Variants in CFAP61 observed in about 807,000 individuals in gnomAD.
CFAP61 encodes the protein cilia- and flagella-associated protein 61.
In CFAP61, 107 loss-of-function variants were observed where a neutral mutation model predicts 135.6. That is an observed-to-expected ratio of 0.79 (90% CI 0.67 to 0.93). The LOEUF (loss-of-function observed/expected upper bound fraction) is 0.93, where lower values mean the gene tolerates loss of function less well. CFAP61 is among the 40% of genes least tolerant of loss of function. The pLI is 0.00. For synonymous variants in CFAP61, 575 were observed against 578.5 expected, an observed-to-expected ratio of 0.99 and a Z score of 0.09; for missense variants, 1,507 against 1,556.2, an observed-to-expected ratio of 0.97 and a Z score of 0.53.
At chr20:20,103,741 T>C (rs761324) in intron 8 of CFAP61, among the ~76,000 whole-genome samples, 120,716 of 152,138 alleles carry the variant, frequency 0.79, 48,249 homozygotes, top group East Asian at 0.99. Flanking sequence ...CCCTGCCTGG[T>C]GTTTGCAAAT....
chr20:20,187,718 T>C (rs1319550033), intron 13 of CFAP61, among the ~76,000 whole-genome samples: 1 of 152,224 alleles, frequency 6.6e-6, no homozygotes, highest in Non-Finnish European at 1.5e-5. Flanking sequence ...GCATTATCAG[T>C]GATATTTACC....
rs889818344 is a variant in CFAP61, at chr20:20,160,346, G to A, written c.1026+902G>A. ...CTGGGACAGATTCACTGAACACTAA[G>A]CCCAGACACTGAAGTTCTGCCAGAG... On this transcript the variant is annotated intron_variant, in intron 10 of 26. Transcript: ENST00000245957. Among the ~76,000 whole-genome samples the A allele has an allele frequency of 3.3e-5, 5 of 152,142 alleles. No homozygotes were observed. In the East Asian group the frequency reaches 7.7e-4, roughly 23 times the overall value.
intron 17 of CFAP61, among the ~76,000 whole-genome samples, chr20:20,211,792 TG>T (rs769562505): frequency 1.3e-5 from 2 of 152,230 alleles, no homozygotes; most frequent in Non-Finnish European, 2.9e-5. Context: ...GTGGTTTTTA[TG>T]GTAGTTTATG....
At chr20:20,126,349 GT>G (rs1208050580) in intron 8 of CFAP61, among the ~76,000 whole-genome samples, 3 of 151,838 alleles carry the variant, frequency 2.0e-5, no homozygotes, top group Non-Finnish European at 4.4e-5. Context: ...GTTTTGATGT[GT>G]TTCCAGTATT....
intron 16 of CFAP61, 116 bp downstream of exon 16, chr20:20,196,892 T>A: frequency 1.1e-6 from 1 of 895,858 alleles, no homozygotes; most frequent in Non-Finnish European, 1.8e-6. Flanking sequence ...AACATGGGTC[T>A]GAATTTCCAA....
intron 18 of CFAP61, among the ~76,000 whole-genome samples, chr20:20,229,689 T>A (rs905232886): frequency 1.3e-5 from 2 of 152,182 alleles, no homozygotes; most frequent in Non-Finnish European, 2.9e-5. Flanking sequence ...ATTAACCAGA[T>A]AAAAAAAGAA....
At position 20,169,480 on chromosome 20, in the gene CFAP61, G is replaced by A. The variant is rs370227282; in HGVS notation, c.1385+20G>A. The A allele has an allele frequency of 3.0e-5, 47 of 1,576,810 alleles. No homozygotes were observed. The highest frequency in any genetic ancestry group is 1.7e-4 in the Admixed American group (10 of 58,922). ...GCTCAAGTGAGTAGACACATGTTTG[G>A]CCACACAACAATCCATGAAATTACA... On this transcript the variant is annotated intron_variant, in intron 13 of 26. Coordinates refer to ENST00000245957, the MANE Select transcript of CFAP61 (RefSeq NM_015585.4).
chr20:20,323,328 C>T lies in CFAP61; in HGVS notation c.3423-18503C>T, dbSNP rs367871231. 1.2e-5 allele frequency: 12 copies of T among 984,378 alleles called. No homozygotes were observed. The African/African-American group carries it at 1.4e-4, about 11-fold the overall frequency. The allele number at this position is 984,378 out of a possible 1,614,324, so 61.0% of individuals were successfully genotyped here. A position where few individuals can be genotyped will look rare whatever the true frequency, so the allele number is the denominator to read the frequency against. ...GGCCTTCAAAAGAGAGTAAGAAATA[C>T]AGACAGTCCCCTACTTTCAAACACA... is the stretch of plus-strand genomic sequence containing the variant. On this transcript the variant is annotated intron_variant, in intron 25 of 26. Coordinates refer to ENST00000245957, the MANE Select transcript of CFAP61 (RefSeq NM_015585.4).
At chr20:20,098,864 T>C in intron 8 of CFAP61, 50 bp downstream of exon 8, 2 of 1,521,596 alleles carry the variant, frequency 1.3e-6, no homozygotes, top group South Asian at 1.2e-5. Flanking sequence ...CTATGCTTTA[T>C]ACACATTGCG....
intron 7 of CFAP61, among the ~76,000 whole-genome samples, chr20:20,091,512 TC>T (rs1568880537): frequency 1.3e-3 from 205 of 152,166 alleles, no homozygotes; most frequent in African/African-American, 4.7e-3. Context: ...GCTGGCTCTC[TC>T]TCTCTCTCTC....
intron 2 of CFAP61, among the ~76,000 whole-genome samples, chr20:20,064,198 C>T (rs1432379742): frequency 6.6e-6 from 1 of 152,170 alleles, no homozygotes; most frequent in Admixed American, 6.5e-5. Context: ...TAAGCATTTG[C>T]TATGCACTGT....
At chr20:20,189,969 G>C (rs1274517147) in intron 14 of CFAP61, among the ~76,000 whole-genome samples, 1 of 152,108 alleles carries the variant, frequency 6.6e-6, no homozygotes, top group East Asian at 1.9e-4. Flanking sequence ...ATTTTTAGTA[G>C]AGATGGGGTT....
chr20:20,348,606 C>G (rs1449775589), intron 26 of CFAP61, among the ~76,000 whole-genome samples: 1 of 141,588 alleles, frequency 7.1e-6, no homozygotes, highest in African/African-American at 2.6e-5. Flanking sequence ...AGGAGAATCT[C>G]ATGAACCCAG....
intron 19 of CFAP61, among the ~76,000 whole-genome samples, chr20:20,251,250 A>G (rs551038788): frequency 1.3e-5 from 2 of 152,258 alleles, no homozygotes; most frequent in East Asian, 1.9e-4. Flanking sequence ...TTTAACAGCT[A>G]AAGTAAATTT....
intron 25 of CFAP61, among the ~76,000 whole-genome samples, chr20:20,318,213 T>G (rs1466326334): frequency 2.0e-5 from 3 of 152,154 alleles, no homozygotes; most frequent in African/African-American, 7.2e-5. Context: ...CCCACTCTCT[T>G]TTTCCAATTA....
At chr20:20,311,782 C>T (rs1569281578) in intron 25 of CFAP61, among the ~76,000 whole-genome samples, 2 of 151,988 alleles carry the variant, frequency 1.3e-5, no homozygotes, top group African/African-American at 4.8e-5. Flanking sequence ...GGAAACTGCC[C>T]AAGACAGGGG....
In CFAP61 at chr20:20,092,420, G is replaced by A. The variant is rs573492973; in HGVS notation, c.699+1444G>A. 5.3e-5 allele frequency among the ~76,000 whole-genome samples: 8 copies of A among 152,292 alleles called. No homozygotes were observed. In the South Asian group the frequency reaches 1.7e-3, roughly 32 times the overall value. On this transcript the variant is annotated intron_variant, in intron 7 of 26. Transcript: ENST00000245957. ...TTCATCTACTCATTTCTCATTATTT[G>A]TTAAAACTGTAAGAGCTGTTTAAAG...
At chr20:20,260,951 A>G (rs1430238144) in intron 20 of CFAP61, among the ~76,000 whole-genome samples, 1 of 152,236 alleles carries the variant, frequency 6.6e-6, no homozygotes, top group Non-Finnish European at 1.5e-5. Context: ...CAAAGCCTTC[A>G]GTGGGCTGCT....
At chr20:20,257,620 CAAAAAAACAAA>C (rs772503447) in intron 20 of CFAP61, among the ~76,000 whole-genome samples, 5 of 58,260 alleles carry the variant, frequency 8.6e-5, no homozygotes, top group African/African-American at 3.4e-4. Context: ...TCAAAAAAAA[CAAAAAAACAAA>C]AAAAAAAAAG....
Sources: allele counts gnomAD v4.1 joint callset (sites outside exome capture counted in the v4.1 genomes callset), GRCh38; gene constraint gnomAD v4.1.1; transcripts MANE v1.5; gene names NCBI Gene and HGNC (gene_info 2026-07-23, HGNC 2026-07-21).